The following CUEDC1 variants were observed in gnomAD, a reference collection of about 807,000 sequenced individuals.
The protein encoded by CUEDC1 is CUE domain containing 1, also known as CUE domain-containing protein 1.
In CUEDC1, 30 loss-of-function variants were observed where a neutral mutation model predicts 43.7. The observed-to-expected ratio is 0.69, with a 90% CI of 0.51 to 0.93. The LOEUF is 0.93. Among genes scored for constraint, CUEDC1 ranks in the 40% least tolerant of loss-of-function variants. CUEDC1 has a pLI of 0.00. For missense variants in CUEDC1, 486 were observed against 549.0 expected (o/e 0.89, Z 1.15); for synonymous variants, 223 against 223.6 (o/e 1.00, Z 0.02).
At chr17:57,867,644 G>A (rs899781845) in intron 8 of CUEDC1, 1 of 580,980 alleles carries the variant, frequency 1.7e-6, no homozygotes, top group Non-Finnish European at 3.1e-6. Flanking sequence ...TGGAGAAACA[G>A]CTTCCTCCCT....
chr17:57,927,037 G>A (rs990797962), intron 1 of CUEDC1, among the ~76,000 whole-genome samples: 1 of 152,206 alleles, frequency 6.6e-6, no homozygotes, highest in African/African-American at 2.4e-5. Context: ...GAAACAGGCC[G>A]GCAATTGTTT....
intron 1 of CUEDC1, among the ~76,000 whole-genome samples, chr17:57,892,271 C>T (rs2074363327): frequency 6.6e-6 from 1 of 152,216 alleles, no homozygotes; most frequent in Non-Finnish European, 1.5e-5. Flanking sequence ...GACGTGGACA[C>T]AAGGCTGATG....
At position 57,934,463 on chromosome 17, in the gene CUEDC1, A is replaced by C. The variant is rs191448189; in HGVS notation, c.-316+20762T>G. On this transcript the variant is annotated intron_variant, in intron 1 of 10. Transcript: ENST00000577830. ...TCTCAGCTACTTGGGAGGCTGAGGC[A>C]GGGGTATAGCTTGAGCCCACAAATT... Among the ~76,000 whole-genome samples the C allele has an allele frequency of 2.0e-5, 3 of 147,898 alleles. No individual in the cohort carries two copies. In the East Asian group the frequency reaches 6.4e-4, roughly 32 times the overall value.
Position 57,934,928 on chromosome 17 carries a change from G to A in CUEDC1, c.-316+20297C>T, listed in dbSNP as rs897908652. 5.3e-5 allele frequency among the ~76,000 whole-genome samples: 8 copies of A among 151,934 alleles called. No individual in the cohort carries two copies. The East Asian group carries it at 5.8e-4, about 11-fold the overall frequency. ...TCGCCATGTTGCTCAGGCTGGTCTC[G>A]AACTCCTGAGCTCAGGTGATCCACC... On this transcript the variant is annotated intron_variant, in intron 1 of 10. Coordinates refer to ENST00000577830, the MANE Select transcript of CUEDC1 (RefSeq NM_001271875.2).
At chr17:57,868,286 C>T (rs781244721) in intron 7 of CUEDC1, 43 bp from the exon 8 acceptor site, 4 of 1,558,692 alleles carry the variant, frequency 2.6e-6, no homozygotes, top group Admixed American at 1.7e-5. Context: ...CAGCAGCCAG[C>T]ACACCAGATG....
At chr17:57,894,971 G>T (rs1436785135) in intron 1 of CUEDC1, among the ~76,000 whole-genome samples, 2 of 152,140 alleles carry the variant, frequency 1.3e-5, no homozygotes, top group Non-Finnish European at 2.9e-5. Flanking sequence ...CCAAGATGAG[G>T]CTTCTCAGCA....
chr17:57,866,655 G>A (rs997025927), intron 9 of CUEDC1, 111 bp from the exon 10 acceptor site: 14 of 1,062,778 alleles, frequency 1.3e-5, no homozygotes, highest in Non-Finnish European at 9.9e-6. Flanking sequence ...CCCTTCATTT[G>A]GGACCCATGC....
chr17:57,931,071 T>C (rs962846606), intron 1 of CUEDC1, among the ~76,000 whole-genome samples: 1 of 152,086 alleles, frequency 6.6e-6, no homozygotes, highest in Non-Finnish European at 1.5e-5. Flanking sequence ...GGCAGATTAC[T>C]CGAGCTCAGG....
chr17:57,950,772 G>A (rs1283047030), intron 1 of CUEDC1, among the ~76,000 whole-genome samples: 2 of 152,114 alleles, frequency 1.3e-5, no homozygotes, highest in Non-Finnish European at 2.9e-5. Context: ...TGCACCCTGT[G>A]AGCTTGCACT....
chr17:57,895,395 GC>G (rs1435337851), intron 1 of CUEDC1, among the ~76,000 whole-genome samples: 5 of 152,238 alleles, frequency 3.3e-5, no homozygotes, highest in African/African-American at 1.2e-4. Flanking sequence ...GGACAGGGTT[GC>G]CCCTGGAGAG....
intron 1 of CUEDC1, among the ~76,000 whole-genome samples, chr17:57,925,551 T>C (rs574025794): frequency 6.5e-4 from 99 of 152,244 alleles, no homozygotes; most frequent in African/African-American, 2.1e-3. Context: ...GCTCAGGTGC[T>C]CTGCCCCAGG....
At chr17:57,868,530 C>G in intron 7 of CUEDC1, 1 of 475,628 alleles carries the variant, frequency 2.1e-6, no homozygotes, top group Non-Finnish European at 3.9e-6. Flanking sequence ...TATTCCCTCC[C>G]CAGCTGCAAC....
At chr17:57,884,874 CTGATG>C (rs1400740169) in intron 2 of CUEDC1, among the ~76,000 whole-genome samples, 1 of 152,220 alleles carries the variant, frequency 6.6e-6, no homozygotes, top group African/African-American at 2.4e-5. Context: ...GACTCTACGC[CTGATG>C]TGGAGTTCAG....
intron 2 of CUEDC1, among the ~76,000 whole-genome samples, chr17:57,883,594 A>G (rs1272664708): frequency 1.3e-5 from 2 of 152,096 alleles, no homozygotes; most frequent in Non-Finnish European, 2.9e-5. Context: ...ATGATGGCAC[A>G]TGCATGTAGT....
rs2075033010 is a variant in CUEDC1 at position 57,954,138 on chromosome 17, T to C, written c.-316+1087A>G. ...TAAAGAAAAGGGGTGAAAGGCCCAG[T>C]ACATCTCCCTGAGTCCTTTCTCCTG... On this transcript the variant is annotated intron_variant, in intron 1 of 10. Transcript: ENST00000577830. The surrounding 1 kb of genome is among the most constrained non-coding windows in gnomAD (Gnocchi z 4.3). Among the ~76,000 whole-genome samples the C allele has an allele frequency of 6.6e-6, 1 of 152,204 alleles. No homozygotes were observed. The highest frequency in any genetic ancestry group is 2.4e-5 in the African/African-American group (1 of 41,468).
chr17:57,926,520 GT>G (rs778185526), intron 1 of CUEDC1, among the ~76,000 whole-genome samples: 3 of 152,170 alleles, frequency 2.0e-5, no homozygotes, highest in Non-Finnish European at 4.4e-5. Context: ...GCCGGGTGCA[GT>G]GGCTCACACC....
intron 1 of CUEDC1, among the ~76,000 whole-genome samples, chr17:57,905,024 G>A (rs2074513805): frequency 6.6e-6 from 1 of 152,128 alleles, no homozygotes; most frequent in African/African-American, 2.4e-5. Context: ...AGGCCTTTTT[G>A]TACTCTCCCA....
At chr17:57,910,410 A>C (rs2074570516) in intron 1 of CUEDC1, among the ~76,000 whole-genome samples, 1 of 152,134 alleles carries the variant, frequency 6.6e-6, no homozygotes, top group Admixed American at 6.6e-5. Context: ...AAATTAACAT[A>C]TATATGTTAT....
At chr17:57,949,527 G>A (rs1380460429) in intron 1 of CUEDC1, among the ~76,000 whole-genome samples, 2 of 83,244 alleles carry the variant, frequency 2.4e-5, no homozygotes, top group Non-Finnish European at 4.7e-5. Context: ...CCCCCACCAC[G>A]ACCACCCCCG....
Sources: gnomAD v4.1 joint callset for allele counts (sites outside exome capture counted in the v4.1 genomes callset) on GRCh38, gnomAD v4.1.1 for gene constraint, Gnocchi (gnomAD v3.1) non-coding constraint, MANE v1.5 for transcripts, NCBI Gene and HGNC (gene_info 2026-07-23, HGNC 2026-07-21) for gene names.